Variants in PROM1 observed in about 807,000 individuals in gnomAD.
The protein encoded by PROM1 is prominin-1.
A neutral mutation model predicts 116.9 loss-of-function variants in PROM1; 105 were observed. That is an observed-to-expected ratio of 0.90 (90% confidence interval 0.77 to 1.06). The LOEUF (loss-of-function observed/expected upper bound fraction) is 1.06. Ranked by LOEUF, PROM1 falls within the 50% of genes least tolerant of loss-of-function variation. PROM1 has a pLI of 0.00. For missense variants in PROM1, 1,122 were observed against 1,045.2 expected, an observed-to-expected ratio of 1.07 and a Z score of -1.01; for synonymous variants, 393 against 387.0, an observed-to-expected ratio of 1.02 and a Z score of -0.18.
rs1187947635 is a variant in PROM1 at position 16,003,136 on chromosome 4, T to C, written c.1455-2517A>G. On this transcript the variant is annotated intron_variant, in intron 13 of 27. Coordinates refer to ENST00000447510, the MANE Select transcript of PROM1 (RefSeq NM_006017.3). ...TTCTGACCCCCTTTCAAATGCATTA[T>C]CTTAGAAACTTTTGTCAACAAATTA... 5 of 369,882 alleles carry C rather than the reference T, an allele frequency of 1.4e-5. No homozygotes were observed. In the East Asian group the frequency reaches 2.2e-4, roughly 16 times the overall value. The allele number at this position is 369,882 out of a possible 1,614,324, so 22.9% of individuals were successfully genotyped here. A position where few individuals can be genotyped will look rare whatever the true frequency, so the allele number is the denominator to read the frequency against.
intron 2 of PROM1, among the ~76,000 whole-genome samples, chr4:16,045,247 GACATACACGC>G (rs1422291779): frequency 6.6e-6 from 1 of 152,078 alleles, no homozygotes; most frequent in Admixed American, 6.5e-5. Context: ...AACACAGATG[GACATACACGC>G]ACACCACTTC....
intron 5 of PROM1, among the ~76,000 whole-genome samples, chr4:16,031,129 A>G (rs1238078750): frequency 6.6e-6 from 1 of 152,234 alleles, no homozygotes; most frequent in African/African-American, 2.4e-5. Flanking sequence ...ACTACATTCA[A>G]TAAAGAATTT....
chr4:16,016,323 C>A, intron 9 of PROM1, 83 bp from the exon 10 acceptor site: 1 of 1,131,922 alleles, frequency 8.8e-7, no homozygotes, highest in Non-Finnish European at 1.3e-6. Flanking sequence ...ATTGTATATT[C>A]CAAGTCCCAA....
chr4:15,978,117 A>G (rs1453441531), intron 26 of PROM1, among the ~76,000 whole-genome samples: 2 of 152,160 alleles, frequency 1.3e-5, no homozygotes, highest in Non-Finnish European at 2.9e-5. Context: ...CACCTATGAG[A>G]AAGTGGTCCT....
intron 26 of PROM1, among the ~76,000 whole-genome samples, chr4:15,977,685 G>A (rs1478683139): frequency 6.6e-6 from 1 of 152,154 alleles, no homozygotes; most frequent in Non-Finnish European, 1.5e-5. Flanking sequence ...TGCAACCTCT[G>A]CCTCCCGGGT....
intron 26 of PROM1, among the ~76,000 whole-genome samples, chr4:15,973,020 A>G (rs1018799971): frequency 6.6e-6 from 1 of 152,184 alleles, no homozygotes; most frequent in African/African-American, 2.4e-5. Flanking sequence ...ACACAAGGGA[A>G]GGGGCTCCAA....
chr4:16,050,452 C>T (rs554169132), intron 2 of PROM1, among the ~76,000 whole-genome samples: 2 of 152,326 alleles, frequency 1.3e-5, no homozygotes, highest in East Asian at 1.9e-4. Context: ...CTCCTGGACT[C>T]AGGTGACTCT....
rs147184838 is a variant in PROM1, at chr4:15,971,481, G to A, written c.2583-399C>T. 592 of 164,572 alleles carry A rather than the reference G, an allele frequency of 3.6e-3. 6 individuals carry two copies. The highest frequency in any genetic ancestry group is 0.013 in the African/African-American group (547 of 41,934). 10.2% of individuals were successfully genotyped at this position (164,572 alleles called of 1,614,324 possible). On this transcript the variant is annotated intron_variant, in intron 26 of 27. Transcript: ENST00000447510. ...GAAGACAGAAGCAAATGGAAGTTCC[G>A]CAGGGACCTTGTTACAACTACAAAT...
chr4:16,031,783 G>C (rs1732752084), intron 5 of PROM1, among the ~76,000 whole-genome samples: 1 of 152,144 alleles, frequency 6.6e-6, no homozygotes, highest in South Asian at 2.1e-4. Flanking sequence ...CATTCACTTG[G>C]ATCTTGTTTA....
intron 23 of PROM1, among the ~76,000 whole-genome samples, chr4:15,982,369 CTA>C (rs1273783550): frequency 6.6e-6 from 1 of 152,190 alleles, no homozygotes; most frequent in Non-Finnish European, 1.5e-5. Flanking sequence ...CCCCTTCCCT[CTA>C]TGTTCTGTTA....
chr4:15,992,321 G>A lies in PROM1; in HGVS notation c.1838C>T (p.Ala613Val). 5 of 1,613,790 alleles carry A rather than the reference G, an allele frequency of 3.1e-6. No homozygotes were observed. Among genetic ancestry groups the A allele is most frequent in the Non-Finnish European group, 4.2e-6 (5 of 1,179,832 alleles). Residue 613 changes from alanine (A) to valine (V), a missense_variant, in exon 17 of 28, where the codon GCA becomes GTA. By Grantham distance (64) the Ala-to-Val change is moderately conservative (BLOSUM62 0). Transcript: ENST00000447510. ...AAAATCCTGAAGGTTTTTTCTTCCT[G>A]CTGCACCCAACAGAAAGATATTAAG... ...VNLNIFLLGA[A>V]GRKNLQDFAA... is the part of the protein sequence containing the mutation.
At chr4:15,970,147 A>ATT (rs1714054939) in intron 27 of PROM1, among the ~76,000 whole-genome samples, 1 of 151,840 alleles carries the variant, frequency 6.6e-6, no homozygotes, top group Non-Finnish European at 1.5e-5. Flanking sequence ...TTTACTCTAA[A>ATT]AAAACACTTT....
In PROM1 at chr4:16,038,547, C is replaced by T. The variant is rs556158446; in HGVS notation, c.276+399G>A. On this transcript the variant is annotated intron_variant, in intron 3 of 27. Coordinates refer to ENST00000447510, the MANE Select transcript of PROM1 (RefSeq NM_006017.3). ...CCTCCCGAATACTTGGGACTACAGGCGAGTGCCACCACGCCCGGCTAATTT... is the reference window on the plus strand; with the variant it reads ...CCTCCCGAATACTTGGGACTACAGGTGAGTGCCACCACGCCCGGCTAATTT... Among the ~76,000 whole-genome samples the T allele has an allele frequency of 1.1e-3, 171 of 152,196 alleles. 1 individual carries two copies. The highest frequency in any genetic ancestry group is 1.7e-3 in the South Asian group (8 of 4,824).
At position 16,041,173 on chromosome 4, in the gene PROM1, TAAGA is replaced by T. The variant is rs1302377061; in HGVS notation, c.221-2176_221-2173del. Among the ~76,000 whole-genome samples, 150 of 152,354 alleles carry T rather than the reference TAAGA, an allele frequency of 9.8e-4. 1 individual carries two copies. The highest frequency in any genetic ancestry group is 3.4e-3 in the African/African-American group (140 of 41,580). On this transcript the variant is annotated intron_variant, in intron 2 of 27. Coordinates refer to ENST00000447510, the MANE Select transcript of PROM1 (RefSeq NM_006017.3). ...ACTAGGGTGCAAAGGCGGTGGTAGA[TAAGA>T]ATGCAAGTGATTTGGCACAAATCAA... is the stretch of plus-strand genomic sequence containing the variant.
At chr4:16,014,364 T>C (rs1271006492) in intron 10 of PROM1, among the ~76,000 whole-genome samples, 3 of 152,220 alleles carry the variant, frequency 2.0e-5, no homozygotes, top group Non-Finnish European at 4.4e-5. Flanking sequence ...TTCATCTGTG[T>C]CTGGACTTGC....
chr4:15,975,193 C>T (rs1479808735), intron 26 of PROM1, among the ~76,000 whole-genome samples: 1 of 152,164 alleles, frequency 6.6e-6, no homozygotes, highest in Non-Finnish European at 1.5e-5. Context: ...TCATTGAACC[C>T]TCACAACCCT....
chr4:16,055,019 C>T (rs867634939), intron 2 of PROM1, among the ~76,000 whole-genome samples: 5 of 152,222 alleles, frequency 3.3e-5, no homozygotes, highest in Admixed American at 1.3e-4. Flanking sequence ...CATTTGTCTA[C>T]TCTGCTAGAG....
intron 26 of PROM1, chr4:15,972,019 G>A (rs1714678011): frequency 6.6e-6 from 1 of 152,228 alleles, no homozygotes; most frequent in South Asian, 2.1e-4. Context: ...CCAGGACCTG[G>A]AGCTGAACAT....
intron 2 of PROM1, among the ~76,000 whole-genome samples, chr4:16,044,159 T>A (rs957965294): frequency 2.1e-4 from 32 of 152,232 alleles, no homozygotes; most frequent in African/African-American, 7.7e-4. Context: ...CCATATATTA[T>A]AACAGATCCG....
Sources: allele counts gnomAD v4.1 joint callset (sites outside exome capture counted in the v4.1 genomes callset), GRCh38; gene constraint gnomAD v4.1.1; transcripts MANE v1.5; gene names NCBI Gene and HGNC (gene_info 2026-07-23, HGNC 2026-07-21).